KCTD1: variants seen among roughly 807,000 people sequenced by gnomAD.
The protein encoded by KCTD1 is BTB/POZ domain-containing protein KCTD1.
KCTD1 carries 24 observed loss-of-function variants against 66.0 expected under a neutral mutation model. The ratio of observed to expected loss-of-function variants is 0.36; its 90% CI spans 0.26 to 0.51. The LOEUF is 0.51. Ranked by LOEUF, KCTD1 falls within the 20% of genes least tolerant of loss-of-function variation. The probability of loss-of-function intolerance (pLI) is 0.95; values close to 1 mark genes in which losing one functional copy is unlikely to be tolerated. For synonymous variants in KCTD1, 511 were observed against 517.2 expected, an observed-to-expected ratio of 0.99 and a Z score of 0.16; for missense variants, 943 against 1,205.2, an observed-to-expected ratio of 0.78 and a Z score of 3.22.
intron 1 of KCTD1, chr18:26,575,365 C>T (rs1198571196): frequency 6.6e-6 from 1 of 152,170 alleles, no homozygotes; most frequent in Non-Finnish European, 1.5e-5. Flanking sequence ...CCTGGGAAAC[C>T]ACATGCAGCG....
intron 1 of KCTD1, among the ~76,000 whole-genome samples, chr18:26,513,906 A>G (rs1272471938): frequency 6.6e-6 from 1 of 152,216 alleles, no homozygotes; most frequent in Non-Finnish European, 1.5e-5. Flanking sequence ...TAACAATCAC[A>G]CCATTTGCTC....
At chr18:26,508,335 T>C (rs1983155129) in intron 1 of KCTD1, among the ~76,000 whole-genome samples, 1 of 152,208 alleles carries the variant, frequency 6.6e-6, no homozygotes, top group African/African-American at 2.4e-5. Context: ...CTTCAAGGGA[T>C]TTGACTTCAG....
chr18:26,508,707 A>C (rs28535836), intron 1 of KCTD1, among the ~76,000 whole-genome samples: 21 of 49,916 alleles, frequency 4.2e-4, no homozygotes, highest in Non-Finnish European at 1.1e-3. Flanking sequence ...ATTTAAATAT[A>C]TTTCTCTCTC....
At position 26,547,415 on chromosome 18, in the gene KCTD1, G is replaced by C. The variant is rs1003699604; in HGVS notation, c.1122C>G (p.Asn374Lys). 6 of 1,551,242 alleles carry C rather than the reference G, an allele frequency of 3.9e-6. No individual in the cohort carries two copies. In the African/African-American group the frequency reaches 8.2e-5, roughly 21 times the overall value. ...TGCCCGTCTCATACATGCGGGGCAA[G>C]TTCTCCTCGTCGCTGCTCTCGGCGC... Reference protein sequence around the residue: ...KKRAESSDEENLPRMYETGTE... With the variant: ...KKRAESSDEEKLPRMYETGTE... Residue 374 changes from asparagine to lysine, a missense_variant, in exon 1 of 5, where the codon AAC becomes AAG. By Grantham distance (94) the Asn-to-Lys change is moderately conservative. This residue lies in a region of KCTD1 where 66 missense variants were observed against 61.6 expected (regional missense o/e 1.07). Transcript: ENST00000580059.
rs144971201 is a variant in KCTD1, at chr18:26,623,244, G to T, written c.-16+5903C>A. 3.4e-4 allele frequency among the ~76,000 whole-genome samples: 52 copies of T among 152,224 alleles called. 1 individual carries two copies. Among genetic ancestry groups the T allele is most frequent in the African/African-American group, 1.2e-3 (49 of 41,532 alleles). On this transcript the variant is annotated intron_variant, in intron 1 of 4. Transcript: ENST00000317932. ...CTCAATGCTTCTTTCATTCTATTAT[G>T]CCATCACTCAGAATCTTCCATGGCT...
At chr18:26,642,625 A>T (rs901870519), upstream of KCTD1, among the ~76,000 whole-genome samples, 1 of 152,212 alleles carries the variant, frequency 6.6e-6, no homozygotes, top group African/African-American at 2.4e-5. Context: ...TTAAGGAAGT[A>T]AAAAAGGGAA....
At chr18:26,623,386 C>T (rs916058547) in intron 1 of KCTD1, among the ~76,000 whole-genome samples, 11 of 152,096 alleles carry the variant, frequency 7.2e-5, no homozygotes, top group African/African-American at 7.2e-5. Flanking sequence ...GTAGTACCCA[C>T]GATACACACG....
intron 1 of KCTD1, among the ~76,000 whole-genome samples, chr18:26,648,067 A>G (rs1366850569): frequency 6.6e-6 from 1 of 152,042 alleles, no homozygotes; most frequent in Non-Finnish European, 1.5e-5. Flanking sequence ...GCTGGTCTCA[A>G]ACTCCTAACC....
intron 1 of KCTD1, among the ~76,000 whole-genome samples, chr18:26,570,699 C>G (rs1422670909): frequency 6.6e-6 from 1 of 152,192 alleles, no homozygotes; most frequent in Non-Finnish European, 1.5e-5. Context: ...GCATGAGCCA[C>G]CACACCGGGC....
chr18:26,599,159 T>A (rs546203088), intron 1 of KCTD1, among the ~76,000 whole-genome samples: 1 of 152,372 alleles, frequency 6.6e-6, no homozygotes, highest in African/African-American at 2.4e-5. Context: ...TTTTTTTGTA[T>A]GTGATAATTT....
rs59699654 is a variant in KCTD1 at position 26,532,053 on chromosome 18, A to C, written c.1809+14675T>G. On this transcript the variant is annotated intron_variant, in intron 1 of 4. Transcript: ENST00000580059. ...AAAGTGTGTATCCCAGAGAACAAAG[A>C]TCTCAGCCCTTGAGCAATTCATTCA... Among the ~76,000 whole-genome samples the C allele has an allele frequency of 3.7e-3, 564 of 152,244 alleles. 5 individuals carry two copies. Among genetic ancestry groups the C allele is most frequent in the African/African-American group, 0.013 (541 of 41,524 alleles).
intron 3 of KCTD1, among the ~76,000 whole-genome samples, chr18:26,471,443 G>A (rs565151395): frequency 6.6e-6 from 1 of 152,112 alleles, no homozygotes; most frequent in Non-Finnish European, 1.5e-5. Flanking sequence ...TTCTTGAAAA[G>A]CTTGGTTTAT....
At chr18:26,505,461 C>A (rs968478854) in intron 1 of KCTD1, among the ~76,000 whole-genome samples, 3 of 152,240 alleles carry the variant, frequency 2.0e-5, no homozygotes, top group Non-Finnish European at 2.9e-5. Flanking sequence ...GGAATACAGA[C>A]GAAGAACCCG....
At chr18:26,497,030 T>C (rs1283031252) in intron 2 of KCTD1, among the ~76,000 whole-genome samples, 1 of 152,158 alleles carries the variant, frequency 6.6e-6, no homozygotes, top group East Asian at 1.9e-4. Context: ...GTGCTTCTAA[T>C]GTTCAGCTGT....
chr18:26,580,971 A>G (rs1160206824), intron 1 of KCTD1, among the ~76,000 whole-genome samples: 1 of 152,234 alleles, frequency 6.6e-6, no homozygotes, highest in African/African-American at 2.4e-5. Context: ...TATGGCCCAC[A>G]CAGCCTAAAC....
intron 2 of KCTD1, among the ~76,000 whole-genome samples, chr18:26,490,857 A>C (rs1483326810): frequency 1.3e-5 from 2 of 151,588 alleles, no homozygotes; most frequent in Admixed American, 6.6e-5. Flanking sequence ...GGCTCAAGCG[A>C]TTCTCATGCC....
chr18:26,551,060 C>CA (rs923326892), upstream of KCTD1, among the ~76,000 whole-genome samples: 18 of 152,302 alleles, frequency 1.2e-4, no homozygotes, highest in Middle Eastern at 3.4e-3. Flanking sequence ...CAGGTCTCCC[C>CA]ACCTCTGCGG....
intron 3 of KCTD1, among the ~76,000 whole-genome samples, chr18:26,473,710 C>T (rs1172022380): frequency 2.6e-5 from 4 of 152,286 alleles, no homozygotes; most frequent in South Asian, 4.1e-4. Context: ...CCCATGTCTT[C>T]AAACCCTGGA....
intron 1 of KCTD1, among the ~76,000 whole-genome samples, chr18:26,628,049 C>T (rs1987540991): frequency 6.6e-6 from 1 of 152,206 alleles, no homozygotes; most frequent in Non-Finnish European, 1.5e-5. Context: ...TTATAACCTT[C>T]CCTGGGCTAG....
Sources: gnomAD v4.1 joint callset for allele counts (sites outside exome capture counted in the v4.1 genomes callset) on GRCh38, gnomAD v4.1.1 for gene constraint, gnomAD v4.1.1 regional missense constraint, MANE v1.5 for transcripts, NCBI Gene and HGNC (gene_info 2026-07-23, HGNC 2026-07-21) for gene names.